The following GRID1 variants were observed in gnomAD, a reference collection of about 807,000 sequenced individuals.
GRID1 encodes the protein glutamate receptor ionotropic, delta-1.
A neutral mutation model predicts 98.0 loss-of-function variants in GRID1; 28 were observed. The ratio of observed to expected loss-of-function variants is 0.29; its 90% CI spans 0.21 to 0.39. The LOEUF (loss-of-function observed/expected upper bound fraction) is 0.39, where lower values mean the gene tolerates loss of function less well. Among genes scored for constraint, GRID1 ranks in the 10% least tolerant of loss-of-function variants. GRID1 has a pLI of 1.00. For synonymous variants in GRID1, 553 were observed against 538.5 expected, an observed-to-expected ratio of 1.03 and a Z score of -0.37; for missense variants, 1,111 against 1,340.5, an observed-to-expected ratio of 0.83 and a Z score of 2.67.
rs1477619225 is a variant in GRID1 at position 85,966,724 on chromosome 10, G to A, written c.727-50485C>T. ...AGCTACTCAGGAGGCTGAGGCAGGA[G>A]AATCACTTGAACCCGAGAGGCAGAG... On this transcript the variant is annotated intron_variant, in intron 4 of 15. Transcript: ENST00000327946. Among the ~76,000 whole-genome samples the A allele has an allele frequency of 2.6e-5, 4 of 151,856 alleles. No individual in the cohort carries two copies. In the East Asian group the frequency reaches 7.7e-4, roughly 29 times the overall value.
intron 2 of GRID1, among the ~76,000 whole-genome samples, chr10:86,257,420 G>C (rs898476787): frequency 2.6e-5 from 4 of 152,212 alleles, no homozygotes; most frequent in African/African-American, 9.7e-5. Context: ...GGGCCATAAT[G>C]AGCAAAACGG....
chr10:85,665,069 A>G (rs114661418), intron 12 of GRID1, among the ~76,000 whole-genome samples: 2,225 of 152,286 alleles, frequency 0.015, 52 homozygotes, highest in African/African-American at 0.051. Context: ...TCATTATTAG[A>G]ACTATTATTA....
chr10:86,355,430 A>T (rs995974375), intron 2 of GRID1, among the ~76,000 whole-genome samples: 14 of 152,222 alleles, frequency 9.2e-5, no homozygotes, highest in African/African-American at 3.4e-4. Flanking sequence ...GGAAAACTGG[A>T]AAGATGGGGC....
At chr10:85,776,021 A>T (rs540686779) in intron 8 of GRID1, among the ~76,000 whole-genome samples, 2 of 152,276 alleles carry the variant, frequency 1.3e-5, no homozygotes, top group African/African-American at 4.8e-5. Flanking sequence ...TCAGAAAAAA[A>T]AAACATACTC....
intron 4 of GRID1, among the ~76,000 whole-genome samples, chr10:86,079,480 T>C (rs888437759): frequency 6.6e-6 from 1 of 152,044 alleles, no homozygotes; most frequent in African/African-American, 2.4e-5. Context: ...GGGCACTGGG[T>C]TGGAGGGAAT....
intron 5 of GRID1, among the ~76,000 whole-genome samples, chr10:85,874,948 C>T (rs982826789): frequency 2.6e-5 from 4 of 152,220 alleles, no homozygotes; most frequent in East Asian, 1.9e-4. Context: ...TCACTGCAAC[C>T]TCCACCTCCC....
intron 4 of GRID1, among the ~76,000 whole-genome samples, chr10:86,016,284 C>A (rs1358967406): frequency 1.3e-5 from 2 of 151,262 alleles, no homozygotes; most frequent in East Asian, 2.0e-4. Flanking sequence ...GTATCTGGGA[C>A]TACAGGTGCC....
Position 86,225,732 on chromosome 10 carries a change from T to A in GRID1, c.236-19084A>T, listed in dbSNP as rs114425047. Among the ~76,000 whole-genome samples, 1,411 of 152,270 alleles carry A rather than the reference T, an allele frequency of 9.3e-3. 20 individuals carry two copies. Among genetic ancestry groups the A allele is most frequent in the Middle Eastern group, 0.031 (9 of 294 alleles). On this transcript the variant is annotated intron_variant, in intron 2 of 15. Transcript: ENST00000327946. ...CTCAGAAACTTAGAGGTCCCCCAGCTCTTTGGGTGACAGGACCCTTTTATA... is the reference window on the plus strand; with the variant it reads ...CTCAGAAACTTAGAGGTCCCCCAGCACTTTGGGTGACAGGACCCTTTTATA...
rs1008202657 is a variant in GRID1 at position 86,366,521 on chromosome 10, T to C, written c.-129A>G. The C allele has an allele frequency of 2.3e-6, 1 of 437,836 alleles. No homozygotes were observed. Among genetic ancestry groups the C allele is most frequent in the South Asian group, 9.0e-5 (1 of 11,160 alleles). 27.1% of individuals were successfully genotyped at this position (437,836 alleles called of 1,614,324 possible). ...GAGAGCCGAGCCCGCCCGTGCGTCTTCCCCCGCGCGCCCGCCCCTGCGCCC... is the reference window on the plus strand; with the variant it reads ...GAGAGCCGAGCCCGCCCGTGCGTCTCCCCCCGCGCGCCCGCCCCTGCGCCC... On this transcript the variant is annotated 5_prime_UTR_variant, in exon 1 of 16. Coordinates refer to ENST00000327946, the MANE Select transcript of GRID1 (RefSeq NM_017551.3). This position sits in a 1 kb window ranked among gnomAD's most constrained non-coding sequence, Gnocchi z 4.1.
At chr10:86,301,776 C>T (rs1364344530) in intron 2 of GRID1, among the ~76,000 whole-genome samples, 3 of 152,226 alleles carry the variant, frequency 2.0e-5, no homozygotes, top group Non-Finnish European at 4.4e-5. Flanking sequence ...CCCCAAGGAC[C>T]CCTTCTGCAA....
intron 2 of GRID1, among the ~76,000 whole-genome samples, chr10:86,363,448 A>G (rs992780913): frequency 6.6e-5 from 10 of 152,148 alleles, no homozygotes; most frequent in Non-Finnish European, 2.9e-5. Context: ...GGGGCGCGAA[A>G]CGCCGCGCCT....
At chr10:86,050,545 C>T (rs1281442376) in intron 4 of GRID1, among the ~76,000 whole-genome samples, 1 of 151,972 alleles carries the variant, frequency 6.6e-6, no homozygotes, top group Non-Finnish European at 1.5e-5. Context: ...TTCTCATAGT[C>T]AAACAATGAT....
chr10:85,853,976 C>T (rs903421148), intron 8 of GRID1, among the ~76,000 whole-genome samples: 1 of 152,248 alleles, frequency 6.6e-6, no homozygotes, highest in African/African-American at 2.4e-5. Flanking sequence ...AGCCAAACCT[C>T]AGTCTGAGTT....
Position 85,760,856 on chromosome 10 carries a change from G to T in GRID1, c.1234-31242C>A, listed in dbSNP as rs547778480. 1.1e-4 allele frequency among the ~76,000 whole-genome samples: 17 copies of T among 152,294 alleles called. No homozygotes were observed. The East Asian group carries it at 1.5e-3, about 14-fold the overall frequency. ...GTAAAATGTTGTTGCCAGAGCATCA[G>T]CAGGGCCATCAAACTTTACCCAAAG... On this transcript the variant is annotated intron_variant, in intron 8 of 15. Coordinates refer to ENST00000327946, the MANE Select transcript of GRID1 (RefSeq NM_017551.3).
chr10:85,867,644 G>A (rs771301434), intron 6 of GRID1, among the ~76,000 whole-genome samples: 1 of 152,244 alleles, frequency 6.6e-6, no homozygotes. Context: ...GCATCTCAAC[G>A]TAAACTCTTG....
intron 8 of GRID1, among the ~76,000 whole-genome samples, chr10:85,810,549 G>A (rs1243865417): frequency 6.6e-6 from 1 of 152,156 alleles, no homozygotes; most frequent in Non-Finnish European, 1.5e-5. Flanking sequence ...GTGTGCCTGA[G>A]TCATGGTAAG....
At position 86,333,910 on chromosome 10, in the gene GRID1, C is replaced by T. The variant is rs78483044; in HGVS notation, c.235+30031G>A. 9.1e-4 allele frequency among the ~76,000 whole-genome samples: 139 copies of T among 152,272 alleles called. 1 individual carries two copies. The highest frequency in any genetic ancestry group is 3.3e-3 in the African/African-American group (139 of 41,542). On this transcript the variant is annotated intron_variant, in intron 2 of 15. Transcript: ENST00000327946. Reference sequence around the variant, plus strand: ...AAAGAAAATCCTTGTGTAAATGGACCTACACAGTTCAAACCAATGCTGTTT... The same window carrying T: ...AAAGAAAATCCTTGTGTAAATGGACTTACACAGTTCAAACCAATGCTGTTT...
chr10:85,992,569 G>A (rs1333648470), intron 4 of GRID1, among the ~76,000 whole-genome samples: 1 of 149,288 alleles, frequency 6.7e-6, no homozygotes, highest in Non-Finnish European at 1.5e-5. Flanking sequence ...AGTGTTCAGG[G>A]AATGATAACA....
Position 86,340,394 on chromosome 10 carries a change from C to T in GRID1, c.235+23547G>A, listed in dbSNP as rs1589454743. 2.0e-5 allele frequency among the ~76,000 whole-genome samples: 3 copies of T among 152,288 alleles called. No individual in the cohort carries two copies. The South Asian group carries it at 6.2e-4, about 32-fold the overall frequency. ...GGCCTAATGCAGAAAACGTGCACCACGGATCTGACCAGACTGCAGAGCACC... is the reference window on the plus strand; with the variant it reads ...GGCCTAATGCAGAAAACGTGCACCATGGATCTGACCAGACTGCAGAGCACC... On this transcript the variant is annotated intron_variant, in intron 2 of 15. Coordinates refer to ENST00000327946, the MANE Select transcript of GRID1 (RefSeq NM_017551.3).
Sources: gnomAD v4.1 joint callset for allele counts (sites outside exome capture counted in the v4.1 genomes callset) on GRCh38, gnomAD v4.1.1 for gene constraint, Gnocchi (gnomAD v3.1) non-coding constraint, MANE v1.5 for transcripts, NCBI Gene and HGNC (gene_info 2026-07-23, HGNC 2026-07-21) for gene names.